Variants in CSMD3 observed in about 807,000 individuals in gnomAD.
CSMD3 encodes the protein CUB and sushi domain-containing protein 3.
In CSMD3, 177 loss-of-function variants were observed where a neutral mutation model predicts 435.2. The ratio of observed to expected loss-of-function variants is 0.41; its 90% CI spans 0.36 to 0.46. The LOEUF (loss-of-function observed/expected upper bound fraction) is 0.46. Among genes scored for constraint, CSMD3 ranks in the 20% least tolerant of loss-of-function variants. The pLI is 0.34. For missense variants in CSMD3, 4,265 were observed against 4,504.6 expected (o/e 0.95, Z 1.52); for synonymous variants, 1,656 against 1,520.5 (o/e 1.09, Z -2.07).
intron 60 of CSMD3, among the ~76,000 whole-genome samples, chr8:112,264,736 C>T (rs574817085): frequency 1.2e-4 from 18 of 152,048 alleles, no homozygotes; most frequent in Non-Finnish European, 2.2e-4. Context: ...TATTAATTCA[C>T]ATTTAAATAG....
chr8:112,718,162 T>C (rs1378366233), intron 13 of CSMD3, among the ~76,000 whole-genome samples: 2 of 152,086 alleles, frequency 1.3e-5, no homozygotes, highest in Non-Finnish European at 1.5e-5. Context: ...CTCAGGCTCA[T>C]GGTGGTTCTG....
intron 3 of CSMD3, among the ~76,000 whole-genome samples, chr8:113,270,056 T>C (rs1242309375): frequency 2.0e-5 from 3 of 151,630 alleles, no homozygotes; most frequent in South Asian, 2.1e-4. Flanking sequence ...ATTTTTGCAA[T>C]CTACTCATCT....
intron 4 of CSMD3, among the ~76,000 whole-genome samples, chr8:113,112,582 C>T (rs1303731905): frequency 1.3e-5 from 2 of 150,898 alleles, no homozygotes; most frequent in Non-Finnish European, 1.5e-5. Context: ...CCTAGAAAGC[C>T]CAGTTCTTGG....
chr8:112,279,011 A>C (rs1274398816), intron 59 of CSMD3, among the ~76,000 whole-genome samples: 1 of 77,698 alleles, frequency 1.3e-5, no homozygotes, highest in Non-Finnish European at 2.8e-5. Flanking sequence ...TCCACCCCCA[A>C]AAAACAACAA....
intron 4 of CSMD3, among the ~76,000 whole-genome samples, chr8:113,110,182 C>CCA (rs2090596348): frequency 6.6e-6 from 1 of 152,166 alleles, no homozygotes; most frequent in South Asian, 2.1e-4. Flanking sequence ...GGTCACCTGA[C>CCA]CACACCCTTC....
intron 45 of CSMD3, among the ~76,000 whole-genome samples, chr8:112,333,030 T>A (rs1284336117): frequency 2.6e-5 from 4 of 152,204 alleles, no homozygotes; most frequent in Admixed American, 2.6e-4. Context: ...ATATATAATA[T>A]GACATTTAAT....
At chr8:113,352,405 CG>C (rs2094196082) in intron 1 of CSMD3, among the ~76,000 whole-genome samples, 1 of 152,028 alleles carries the variant, frequency 6.6e-6, no homozygotes. Context: ...GGATTCTCCC[CG>C]AGAACCTTCA....
intron 3 of CSMD3, among the ~76,000 whole-genome samples, chr8:113,211,047 T>A (rs2092828796): frequency 1.3e-5 from 2 of 152,114 alleles, no homozygotes. Flanking sequence ...ACCCTGATGA[T>A]GTGCTATGTT....
At position 113,169,099 on chromosome 8, in the gene CSMD3, T is replaced by A. The variant is rs188069910; in HGVS notation, c.709+4623A>T. 1.4e-4 allele frequency among the ~76,000 whole-genome samples: 21 copies of A among 152,290 alleles called. No individual in the cohort carries two copies. In the East Asian group the frequency reaches 4.1e-3, roughly 29 times the overall value. On this transcript the variant is annotated intron_variant, in intron 4 of 70. Transcript: ENST00000297405. ...CCCAATTCCATGTTTTGGTATTACA[T>A]TTTGATCCAGAAAATTGTTGATCAA...
At chr8:112,411,707 G>T (rs755896145) in intron 32 of CSMD3, among the ~76,000 whole-genome samples, 5 of 152,014 alleles carry the variant, frequency 3.3e-5, no homozygotes, top group Non-Finnish European at 5.9e-5. Context: ...TAAGAACTAA[G>T]TGATGACTCT....
intron 66 of CSMD3, among the ~76,000 whole-genome samples, chr8:112,237,871 TGAA>T (rs770865026): frequency 1.3e-5 from 2 of 152,166 alleles, no homozygotes; most frequent in South Asian, 4.1e-4. Context: ...CAGGTGCTCC[TGAA>T]GAAGAACAGG....
At chr8:112,704,309 G>T (rs1587016385) in intron 13 of CSMD3, among the ~76,000 whole-genome samples, 1 of 151,934 alleles carries the variant, frequency 6.6e-6, no homozygotes, top group East Asian at 1.9e-4. Flanking sequence ...ACAGAATTCA[G>T]AACTCTTTAA....
intron 3 of CSMD3, among the ~76,000 whole-genome samples, chr8:113,265,356 T>C (rs918019370): frequency 6.6e-6 from 1 of 151,626 alleles, no homozygotes; most frequent in Non-Finnish European, 1.5e-5. Flanking sequence ...GTATATGTAT[T>C]AACAAAAGTT....
At chr8:112,731,835 A>G (rs1221550759) in intron 13 of CSMD3, among the ~76,000 whole-genome samples, 1 of 152,186 alleles carries the variant, frequency 6.6e-6, no homozygotes, top group Admixed American at 6.6e-5. Context: ...TATAAAGTAA[A>G]TCTACAAGGT....
At position 112,606,678 on chromosome 8, in the gene CSMD3, T is replaced by C. The variant is rs113035772; in HGVS notation, c.3716-19443A>G. On this transcript the variant is annotated intron_variant, in intron 22 of 70. Coordinates refer to ENST00000297405, the MANE Select transcript of CSMD3 (RefSeq NM_198123.2). ...CGAACAAATTCAAGAAGACTGAAGTTATACCAAGGACCTTTTTCAACTTAA... is the reference window on the plus strand; with the variant it reads ...CGAACAAATTCAAGAAGACTGAAGTCATACCAAGGACCTTTTTCAACTTAA... Among the ~76,000 whole-genome samples, 276 of 152,254 alleles carry C rather than the reference T, an allele frequency of 1.8e-3. 3 individuals carry two copies. The highest frequency in any genetic ancestry group is 6.5e-3 in the African/African-American group (269 of 41,544).
intron 3 of CSMD3, among the ~76,000 whole-genome samples, chr8:113,207,481 C>T (rs1202823365): frequency 6.6e-6 from 1 of 151,454 alleles, no homozygotes; most frequent in East Asian, 1.9e-4. Context: ...CTCCCAGGTT[C>T]AAGTGATTCT....
intron 1 of CSMD3, among the ~76,000 whole-genome samples, chr8:113,321,339 G>A (rs1469624019): frequency 6.6e-6 from 1 of 151,752 alleles, no homozygotes; most frequent in Non-Finnish European, 1.5e-5. Context: ...GTGCTAAACT[G>A]GATTCTTAAA....
chr8:112,645,291 A>G lies in CSMD3; in HGVS notation c.3194-66T>C, dbSNP rs1017370866. On this transcript the variant is annotated intron_variant, in intron 19 of 70. Transcript: ENST00000297405. ...AGAGACAGAGGGTGAACAAATCTCT[A>G]TCTCCTCTCTTGAATTGAGCAGTCG... is the stretch of plus-strand genomic sequence containing the variant. 4.4e-5 allele frequency: 39 copies of G among 881,944 alleles called. No homozygotes were observed. In the Admixed American group the frequency reaches 6.5e-4, roughly 15 times the overall value. 54.6% of individuals were successfully genotyped at this position (881,944 alleles called of 1,614,324 possible).
At chr8:112,626,711 A>G (rs1160161923) in intron 22 of CSMD3, among the ~76,000 whole-genome samples, 3 of 152,116 alleles carry the variant, frequency 2.0e-5, no homozygotes, top group Non-Finnish European at 4.4e-5. Flanking sequence ...AGTTATAAGC[A>G]GCGTTATCAT....
Sources: gnomAD v4.1 joint callset for allele counts (sites outside exome capture counted in the v4.1 genomes callset) on GRCh38, gnomAD v4.1.1 for gene constraint, MANE v1.5 for transcripts, NCBI Gene and HGNC (gene_info 2026-07-23, HGNC 2026-07-21) for gene names.